The following GAS7 variants were observed in gnomAD, a reference collection of about 807,000 sequenced individuals.
The protein encoded by GAS7 is growth arrest-specific protein 7.
In GAS7, 28 loss-of-function variants were observed where a neutral mutation model predicts 71.1. The observed-to-expected ratio is 0.39, with a 90% CI of 0.29 to 0.54. The LOEUF is 0.54. GAS7 is among the 20% of genes least tolerant of loss of function. The pLI, the probability that GAS7 is intolerant of heterozygous loss-of-function variation, is 0.62. For missense variants in GAS7, 436 were observed against 627.8 expected, an observed-to-expected ratio of 0.69 and a Z score of 3.27; for synonymous variants, 258 against 245.8, an observed-to-expected ratio of 1.05 and a Z score of -0.46.
At chr17:10,176,311 C>T (rs1401708397) in intron 1 of GAS7, among the ~76,000 whole-genome samples, 2 of 152,140 alleles carry the variant, frequency 1.3e-5, no homozygotes, top group Non-Finnish European at 2.9e-5. Flanking sequence ...GGGGTTAGAC[C>T]AAGCCACCTG....
intron 1 of GAS7, among the ~76,000 whole-genome samples, chr17:10,116,418 A>T (rs972582960): frequency 6.6e-6 from 1 of 152,118 alleles, no homozygotes; most frequent in Non-Finnish European, 1.5e-5. Flanking sequence ...TCTCCAGAGT[A>T]CCTGGCTGCT....
chr17:10,165,233 A>ACTCCAGCCT (rs2074285024), intron 1 of GAS7, among the ~76,000 whole-genome samples: 1 of 146,452 alleles, frequency 6.8e-6, no homozygotes, highest in Admixed American at 6.9e-5. Context: ...CAGAGCTTGC[A>ACTCCAGCCT]GTGAGCAGAA....
intron 3 of GAS7, among the ~76,000 whole-genome samples, chr17:9,979,625 C>A (rs574496843): frequency 2.0e-5 from 3 of 152,234 alleles, no homozygotes; most frequent in African/African-American, 4.8e-5. Flanking sequence ...GGAGAAGTGA[C>A]CCCATGACTC....
At chr17:10,017,753 G>A (rs2072100499) in intron 2 of GAS7, among the ~76,000 whole-genome samples, 1 of 152,206 alleles carries the variant, frequency 6.6e-6, no homozygotes, top group African/African-American at 2.4e-5. Flanking sequence ...CTGCTTTCAT[G>A]CTGAAACAGT....
At chr17:10,185,454 C>T (rs1244343902) in intron 1 of GAS7, among the ~76,000 whole-genome samples, 1 of 152,112 alleles carries the variant, frequency 6.6e-6, no homozygotes. Context: ...TTCTCCTGGC[C>T]CTCAGAGCAA....
chr17:10,094,431 G>A (rs1211445556), intron 1 of GAS7, among the ~76,000 whole-genome samples: 4 of 151,990 alleles, frequency 2.6e-5, no homozygotes, highest in South Asian at 2.1e-4. Flanking sequence ...GTCCTTAGGC[G>A]AGCCATGGGA....
At chr17:9,957,876 C>A (rs570164101) in intron 5 of GAS7, among the ~76,000 whole-genome samples, 1 of 152,298 alleles carries the variant, frequency 6.6e-6, no homozygotes, top group Non-Finnish European at 1.5e-5. Context: ...GGAACCCAAG[C>A]CAGCTCCAGA....
chr17:10,126,162 G>A (rs917334915), intron 1 of GAS7, among the ~76,000 whole-genome samples: 4 of 152,200 alleles, frequency 2.6e-5, no homozygotes, highest in African/African-American at 4.8e-5. Context: ...CTCAAGGAAG[G>A]GGAAGGGTTA....
At chr17:10,010,262 G>A (rs1011944239) in intron 2 of GAS7, among the ~76,000 whole-genome samples, 2 of 151,838 alleles carry the variant, frequency 1.3e-5, no homozygotes, top group Admixed American at 6.6e-5. Flanking sequence ...CCATTCTCCT[G>A]CCTCAGCCTC....
At chr17:9,930,188 GA>G (rs1294288434) in intron 9 of GAS7, among the ~76,000 whole-genome samples, 1 of 152,222 alleles carries the variant, frequency 6.6e-6, no homozygotes, top group Non-Finnish European at 1.5e-5. Flanking sequence ...ACTGTTTTAT[GA>G]AACGTTTGTT....
At chr17:9,937,927 T>C (rs1352269004) in intron 8 of GAS7, among the ~76,000 whole-genome samples, 1 of 152,184 alleles carries the variant, frequency 6.6e-6, no homozygotes, top group Admixed American at 6.5e-5. Context: ...GAGGTGAAAT[T>C]CATATAACAT....
chr17:10,038,809 C>A (rs2072808470), intron 1 of GAS7, among the ~76,000 whole-genome samples: 1 of 151,418 alleles, frequency 6.6e-6, no homozygotes, highest in South Asian at 2.1e-4. Flanking sequence ...AAGCGATTCT[C>A]CTGCTTCAGC....
chr17:9,945,764 A>G (rs1253496199), intron 6 of GAS7, among the ~76,000 whole-genome samples: 1 of 152,038 alleles, frequency 6.6e-6, no homozygotes, highest in Non-Finnish European at 1.5e-5. Context: ...TGAGGTCAGG[A>G]GATTGAGACC....
intron 11 of GAS7, among the ~76,000 whole-genome samples, chr17:9,921,647 C>T (rs775950909): frequency 1.2e-4 from 19 of 152,114 alleles, no homozygotes; most frequent in Non-Finnish European, 2.1e-4. Flanking sequence ...TTGGTTAAGA[C>T]CATGGATTGT....
chr17:10,171,529 C>T (rs893839603), intron 1 of GAS7, among the ~76,000 whole-genome samples: 5 of 152,232 alleles, frequency 3.3e-5, no homozygotes, highest in Non-Finnish European at 7.3e-5. Context: ...GCAACTTTTA[C>T]AGAACTTCTT....
chr17:9,957,482 G>A (rs984529828), intron 5 of GAS7, among the ~76,000 whole-genome samples: 1 of 152,092 alleles, frequency 6.6e-6, no homozygotes, highest in Non-Finnish European at 1.5e-5. Context: ...ATCACTAAGC[G>A]CCTTTAAGGC....
intron 1 of GAS7, among the ~76,000 whole-genome samples, chr17:10,164,556 G>C (rs909384943): frequency 6.6e-6 from 1 of 151,900 alleles, no homozygotes; most frequent in Non-Finnish European, 1.5e-5. Context: ...CAAGCTACTA[G>C]GGAGGCTGAG....
At position 10,198,189 on chromosome 17, in the gene GAS7, C is replaced by G. The variant is rs1249938264; in HGVS notation, c.183+19G>C. On this transcript the variant is annotated intron_variant, in intron 1 of 13. Transcript: ENST00000432992. ...GGACCGCAGCCCCGGCTCCTACAGCCCCGGCCCTCGCCCCTTACCTCCAGC... is the reference window on the plus strand; with the variant it reads ...GGACCGCAGCCCCGGCTCCTACAGCGCCGGCCCTCGCCCCTTACCTCCAGC... The G allele has an allele frequency of 1.2e-6, 2 of 1,604,168 alleles. No individual in the cohort carries two copies. Among genetic ancestry groups the G allele is most frequent in the African/African-American group, 2.7e-5 (2 of 74,758 alleles).
At chr17:10,061,653 G>A (rs770126001) in intron 1 of GAS7, among the ~76,000 whole-genome samples, 5 of 152,208 alleles carry the variant, frequency 3.3e-5, no homozygotes, top group Non-Finnish European at 5.9e-5. Flanking sequence ...ACAGGAATGC[G>A]GTGTCGTTAA....
Sources: allele counts gnomAD v4.1 joint callset (sites outside exome capture counted in the v4.1 genomes callset), GRCh38; gene constraint gnomAD v4.1.1; transcripts MANE v1.5; gene names NCBI Gene and HGNC (gene_info 2026-07-23, HGNC 2026-07-21).